Variants in GPR82 observed in about 807,000 individuals in gnomAD.
GPR82 encodes G protein-coupled receptor 82.
In GPR82, 6 loss-of-function variants were observed where a neutral mutation model predicts 12.9. The ratio of observed to expected loss-of-function variants is 0.46; its 90% CI spans 0.25 to 0.92. GPR82 has a LOEUF of 0.92. Among genes scored for constraint, GPR82 ranks in the 40% least tolerant of loss-of-function variants. GPR82 has a pLI of 0.16. For synonymous variants in GPR82, 90 were observed against 87.6 expected (o/e 1.03, Z -0.15); for missense variants, 241 against 245.5 (o/e 0.98, Z 0.12).
chrX:41,727,516 C>T lies in GPR82; in HGVS notation c.490C>T (p.Leu164=), dbSNP rs956076153. 1 of 1,208,320 alleles carries T rather than the reference C, an allele frequency of 8.3e-7. No homozygotes were observed. The highest frequency in any genetic ancestry group is 1.1e-6 in the Non-Finnish European group (1 of 893,711). ...ATGCATTTACATATGGGGAGTTGTACTGGGCATAATCATTCCAGTTACCGT... is the reference window on the plus strand; with the variant it reads ...ATGCATTTACATATGGGGAGTTGTATTGGGCATAATCATTCCAGTTACCGT... ...KLCIYIWGVV[L]GIIIPVTVYY... The change falls in exon 3 of 3, where the codon CTG becomes TTG. Residue 164 remains leucine, a synonymous_variant. Coordinates refer to ENST00000302548, the MANE Select transcript of GPR82 (RefSeq NM_080817.5).
intron 1 of GPR82, among the ~76,000 whole-genome samples, chrX:41,724,812 T>A (rs2068228625): frequency 8.9e-6 from 1 of 111,923 alleles, no homozygotes; most frequent in Non-Finnish European, 1.9e-5. Context: ...GCATTTAATA[T>A]TCATACAGAA....
chrX:41,724,925 A>T (rs894232694), intron 1 of GPR82, among the ~76,000 whole-genome samples: 1 of 112,529 alleles, frequency 8.9e-6, no homozygotes, highest in East Asian at 2.8e-4. Context: ...TCCAATCCTT[A>T]TGTAAAATCA....
rs1159362833 is a variant in GPR82 at position 41,727,046 on chromosome X, G to A, written c.20G>A (p.Cys7Tyr). Reference sequence around the variant, plus strand: ...ACATAAATGAACAACAATACAACATGTATTCAACCATCTATGATCTCTTCC... The same window carrying A: ...ACATAAATGAACAACAATACAACATATATTCAACCATCTATGATCTCTTCC... MNNNTT[C>Y]IQPSMISSMA... Residue 7 changes from cysteine (C) to tyrosine (Y), a missense_variant, in exon 3 of 3, where the codon TGT becomes TAT. Physicochemically the swap from Cys to Tyr is radical, Grantham distance 194 (BLOSUM62 -2). Transcript: ENST00000302548. 1 of 1,157,222 alleles carries A rather than the reference G, an allele frequency of 8.6e-7. No homozygotes were observed. The highest frequency in any genetic ancestry group is 1.2e-6 in the Non-Finnish European group (1 of 857,429).
intron 1 of GPR82, among the ~76,000 whole-genome samples, chrX:41,725,544 T>C (rs1185357522): frequency 3.6e-5 from 4 of 111,473 alleles, no homozygotes; most frequent in African/African-American, 1.3e-4. Flanking sequence ...ACACAGAGAA[T>C]ATGGCACATT....
intron 1 of GPR82, among the ~76,000 whole-genome samples, chrX:41,726,529 T>C (rs1164757205): frequency 2.7e-5 from 3 of 111,879 alleles, no homozygotes; most frequent in East Asian, 2.8e-4. Flanking sequence ...TTTTGAAAAC[T>C]ATATATAAGT....
chrX:41,727,258 G>A lies in GPR82; in HGVS notation c.232G>A (p.Gly78Ser), dbSNP rs775525606. 9.1e-6 allele frequency: 11 copies of A among 1,206,489 alleles called. No individual in the cohort carries two copies. The highest frequency in any genetic ancestry group is 2.2e-5 in the Admixed American group (1 of 45,758). Residue 78 changes from glycine (G) to serine (S), a missense_variant, in exon 3 of 3, where the codon GGT becomes AGT. By Grantham distance (56) the Gly-to-Ser change is moderately conservative (BLOSUM62 0). Transcript: ENST00000302548. ...TTTCATGAGTATCTATTTCCTGAAA[G>A]GTTTCCAATGGGAATATCAATCTGC... is the stretch of plus-strand genomic sequence containing the variant. ...MPFMSIYFLKGFQWEYQSAQC... is the reference protein window; with the variant it reads ...MPFMSIYFLKSFQWEYQSAQC...
Position 41,729,302 on chromosome X carries a change from T to C in GPR82, c.*1265T>C, listed in dbSNP as rs969997454. On this transcript the variant is annotated 3_prime_UTR_variant, in exon 3 of 3. Transcript: ENST00000302548. ...TTACAGATCCTATTATTAAATCAGCTGTTACTATTATGAGTAGCTAACGCT... is the reference window on the plus strand; with the variant it reads ...TTACAGATCCTATTATTAAATCAGCCGTTACTATTATGAGTAGCTAACGCT... The C allele has an allele frequency of 3.2e-5, 4 of 123,435 alleles. No homozygotes were observed. The highest frequency in any genetic ancestry group is 7.5e-5 in the Non-Finnish European group (4 of 53,344). The allele number at this position is 123,435 out of a possible 1,213,427, so 10.2% of individuals were successfully genotyped here. A position where few individuals can be genotyped will look rare whatever the true frequency, so the allele number is the denominator to read the frequency against.
At position 41,724,282 on chromosome X, in the gene GPR82, T is replaced by C. The variant is rs894294603; in HGVS notation, c.-113T>C. On this transcript the variant is annotated 5_prime_UTR_variant, in exon 1 of 3. Coordinates refer to ENST00000302548, the MANE Select transcript of GPR82 (RefSeq NM_080817.5). ...TATAACCTTAGTTGGCATAAACTAC[T>C]CATACAGGTAAGAGTGATTATTATT... The C allele has an allele frequency of 1.8e-5, 2 of 112,764 alleles. No individual in the cohort carries two copies. The allele number at this position is 112,764 out of a possible 1,213,427, so 9.3% of individuals were successfully genotyped here.
In GPR82 at chrX:41,728,979, G is replaced by A. The variant is rs1248394357; in HGVS notation, c.*942G>A. The A allele has an allele frequency of 1.6e-5, 2 of 123,301 alleles. No individual in the cohort carries two copies. The highest frequency in any genetic ancestry group is 3.8e-5 in the Non-Finnish European group (2 of 53,241). 10.2% of individuals were successfully genotyped at this position (123,301 alleles called of 1,213,427 possible). ...AATATTTGGATTAGGCTTTGTCAAAGTAAAAAGCTATGTCATTATATGCCC... is the reference window on the plus strand; with the variant it reads ...AATATTTGGATTAGGCTTTGTCAAAATAAAAAGCTATGTCATTATATGCCC... On this transcript the variant is annotated 3_prime_UTR_variant, in exon 3 of 3. Coordinates refer to ENST00000302548, the MANE Select transcript of GPR82 (RefSeq NM_080817.5).
At chrX:41,725,838 A>G (rs2068250195) in intron 1 of GPR82, among the ~76,000 whole-genome samples, 1 of 112,140 alleles carries the variant, frequency 8.9e-6, no homozygotes, top group Non-Finnish European at 1.9e-5. Context: ...ACCAACAAGC[A>G]TAGCAGCTAC....
chrX:41,727,837 A>AT lies in GPR82; in HGVS notation c.817dup (p.Tyr273LeufsTer8). ...CCTTCCTTATAGTATTTTTAAACCC[A>AT]TTTTTTATGTTCTACACCAAAGAGA... On this transcript the variant is annotated frameshift_variant, in exon 3 of 3. Coordinates refer to ENST00000302548, the MANE Select transcript of GPR82 (RefSeq NM_080817.5). LOFTEE classifies it high-confidence loss of function. 3 of 1,188,899 alleles carry AT rather than the reference A, an allele frequency of 2.5e-6. No homozygotes were observed. Among genetic ancestry groups the AT allele is most frequent in the Non-Finnish European group, 3.4e-6 (3 of 876,755 alleles).
intron 1 of GPR82, among the ~76,000 whole-genome samples, chrX:41,725,427 G>GT (rs1430615495): frequency 2.7e-5 from 3 of 111,439 alleles, no homozygotes; most frequent in African/African-American, 9.8e-5. Context: ...GTATGGTACA[G>GT]TTTTTATGTT....
rs1234795673 is a variant in GPR82, at chrX:41,727,231, C to A, written c.205C>A (p.Pro69Thr). Residue 69 changes from proline to threonine, a missense_variant, in exon 3 of 3, where the codon CCT becomes ACT. Pro to Thr is a conservative substitution (Grantham distance 38, BLOSUM62 -1). Coordinates refer to ENST00000302548, the MANE Select transcript of GPR82 (RefSeq NM_080817.5). ...AAACTTACTTGTGTGCAGTGCCATG[C>A]CTTTCATGAGTATCTATTTCCTGAA... The part of the protein sequence containing the change: ...TANLLVCSAM[P>T]FMSIYFLKGF... 8.3e-7 allele frequency: 1 copy of A among 1,201,598 alleles called. No homozygotes were observed. Among genetic ancestry groups the A allele is most frequent in the South Asian group, 1.8e-5 (1 of 56,728 alleles).
chrX:41,726,945 C>A, intron 2 of GPR82, 48 bp from the exon 3 acceptor site: 1 of 518,045 alleles, frequency 1.9e-6, no homozygotes, highest in Non-Finnish European at 3.0e-6. Context: ...AGCTTAAATA[C>A]TGTACCAAAA....
At chrX:41,726,326 T>C (rs1171025833) in intron 1 of GPR82, among the ~76,000 whole-genome samples, 1 of 112,052 alleles carries the variant, frequency 8.9e-6, no homozygotes, top group Non-Finnish European at 1.9e-5. Flanking sequence ...TGAAAGGACA[T>C]TTTAAATATT....
In GPR82 at chrX:41,724,217, G is replaced by T. The variant is rs2068215612; in HGVS notation, c.-178G>T. ...AGATATTGGAAGAGTGAAGATCAGA[G>T]AATTTTAAGTCTGAAATTTGGCATC... On this transcript the variant is annotated 5_prime_UTR_variant, in exon 1 of 3. Coordinates refer to ENST00000302548, the MANE Select transcript of GPR82 (RefSeq NM_080817.5). 2 of 112,615 alleles carry T rather than the reference G, an allele frequency of 1.8e-5. No individual in the cohort carries two copies. The highest frequency in any genetic ancestry group is 1.9e-4 in the Admixed American group (2 of 10,620). The allele number at this position is 112,615 out of a possible 1,213,427, so 9.3% of individuals were successfully genotyped here.
rs2147676180 is a variant in GPR82, at chrX:41,726,792, C to T, written c.-86C>T. 3.8e-6 allele frequency: 1 copy of T among 264,554 alleles called. No homozygotes were observed. Among genetic ancestry groups the T allele is most frequent in the South Asian group, 2.3e-4 (1 of 4,396 alleles). The allele number at this position is 264,554 out of a possible 1,213,427, so 21.8% of individuals were successfully genotyped here. On this transcript the variant is annotated 5_prime_UTR_variant, in exon 2 of 3. Transcript: ENST00000302548. ...TTTCAGACAAAGGCATTATCCATCACAATAAGTAACTTTTTGTCTTTATTT... is the reference window on the plus strand; with the variant it reads ...TTTCAGACAAAGGCATTATCCATCATAATAAGTAACTTTTTGTCTTTATTT...
In GPR82 at chrX:41,727,084, A is replaced by G. The variant is rs1355446781; in HGVS notation, c.58A>G (p.Ile20Val). ...TATGATCTCTTCCATGGCTTTACCA[A>G]TCATTTACATCCTCCTTTGTATTGT... ...PSMISSMALPIIYILLCIVGV... is the reference protein window; with the variant it reads ...PSMISSMALPVIYILLCIVGV... The change falls in exon 3 of 3, where the codon ATC (isoleucine) becomes GTC (valine). Residue 20 changes from isoleucine to valine, a missense_variant. Transcript: ENST00000302548. The G allele has an allele frequency of 3.4e-6, 4 of 1,165,354 alleles. No homozygotes were observed. Among genetic ancestry groups the G allele is most frequent in the East Asian group, 6.0e-5 (2 of 33,474 alleles).
rs1465030597 is a variant in GPR82 at position 41,729,851 on chromosome X, A to T, written c.*1814A>T. ...GTGCATAGTTAAGTAAATCACCCCA[A>T]TTTTTTCTAATATTTAAGTGAACAT... On this transcript the variant is annotated 3_prime_UTR_variant, in exon 3 of 3. Transcript: ENST00000302548. 2 of 101,327 alleles carry T rather than the reference A, an allele frequency of 2.0e-5. No individual in the cohort carries two copies. Among genetic ancestry groups the T allele is most frequent in the Non-Finnish European group, 4.2e-5 (2 of 47,618 alleles). The allele number at this position is 101,327 out of a possible 1,213,427, so 8.4% of individuals were successfully genotyped here.
Sources: allele counts gnomAD v4.1 joint callset (sites outside exome capture counted in the v4.1 genomes callset), GRCh38; gene constraint gnomAD v4.1.1; transcripts MANE v1.5; gene names NCBI Gene and HGNC (gene_info 2026-07-23, HGNC 2026-07-21).